ANKRD28: variants seen among roughly 807,000 people sequenced by gnomAD.
The protein encoded by ANKRD28 is serine/threonine-protein phosphatase 6 regulatory ankyrin repeat subunit A.
In ANKRD28, 44 loss-of-function variants were observed where a neutral mutation model predicts 126.5. That is an observed-to-expected ratio of 0.35 (90% CI 0.27 to 0.45). The LOEUF is 0.45. Ranked by LOEUF, ANKRD28 falls within the 20% of genes least tolerant of loss-of-function variation. The probability of loss-of-function intolerance (pLI) is 1.00; values close to 1 mark genes in which losing one functional copy is unlikely to be tolerated. For missense variants in ANKRD28, 1,110 were observed against 1,316.6 expected, an observed-to-expected ratio of 0.84 and a Z score of 2.43; for synonymous variants, 442 against 468.5, an observed-to-expected ratio of 0.94 and a Z score of 0.73.
At chr3:15,746,045 T>A (rs1235561452) in intron 4 of ANKRD28, among the ~76,000 whole-genome samples, 1 of 152,216 alleles carries the variant, frequency 6.6e-6, no homozygotes, top group Non-Finnish European at 1.5e-5. Flanking sequence ...TACTGATTTG[T>A]GTACATTAAT....
rs369778031 is a variant in ANKRD28 at position 15,789,454 on chromosome 3, A to C, written c.201+5769T>G. 2.0e-4 allele frequency among the ~76,000 whole-genome samples: 31 copies of C among 152,170 alleles called. No homozygotes were observed. In the East Asian group the frequency reaches 5.6e-3, roughly 27 times the overall value. On this transcript the variant is annotated intron_variant, in intron 2 of 27. Transcript: ENST00000683139. ...CCTTTTTTTAAAAAAAAAAGAAAAG[A>C]AAAGAAAAGAAAATGTACAGGAGAG...
rs376359406 is a variant in ANKRD28 at position 15,675,940 on chromosome 3, G to C, written c.2923C>G (p.Leu975Val). ...RNGLTMVVQE[L>V]LGKGASVLAV... The stretch of plus-strand genomic sequence containing the variant: ...AGCACACTTGCTCCTTTTCCCAAAA[G>C]TTCCTGAACCACCATTGTTAGCCCA... The change falls in exon 27 of 28, where the codon CTT becomes GTT. Residue 975 changes from leucine (L) to valine (V), a missense_variant. By Grantham distance (32) the Leu-to-Val change is conservative. Coordinates refer to ENST00000683139, the MANE Select transcript of ANKRD28 (RefSeq NM_001349278.2). The C allele has an allele frequency of 6.2e-7, 1 of 1,613,062 alleles. No individual in the cohort carries two copies. Among genetic ancestry groups the C allele is most frequent in the Non-Finnish European group, 8.5e-7 (1 of 1,179,258 alleles).
At chr3:15,724,699 G>A (rs931800890) in intron 6 of ANKRD28, among the ~76,000 whole-genome samples, 175 bp from the exon 7 acceptor site, 2 of 152,102 alleles carry the variant, frequency 1.3e-5, no homozygotes, top group African/African-American at 4.8e-5. Context: ...GACTTTAGGG[G>A]TGGGCATAAT....
chr3:15,819,694 C>T (rs1191791361), intron 1 of ANKRD28, among the ~76,000 whole-genome samples: 1 of 152,066 alleles, frequency 6.6e-6, no homozygotes, highest in African/African-American at 2.4e-5. Flanking sequence ...AGATGCATAC[C>T]AATGTATTAA....
At chr3:15,715,951 A>G (rs1354848018) in intron 8 of ANKRD28, among the ~76,000 whole-genome samples, 7 of 151,776 alleles carry the variant, frequency 4.6e-5, no homozygotes, top group Admixed American at 4.6e-4. Flanking sequence ...GATATATCCT[A>G]ATTTTTAATG....
chr3:15,696,338 C>A, intron 14 of ANKRD28, 93 bp from the exon 15 acceptor site: 1 of 758,956 alleles, frequency 1.3e-6, no homozygotes, highest in African/African-American at 1.8e-5. Flanking sequence ...GACAATTTTT[C>A]TTATACTTGA....
At chr3:15,679,214 C>T (rs2067268552) in intron 23 of ANKRD28, 87 bp downstream of exon 23, 1 of 1,283,066 alleles carries the variant, frequency 7.8e-7, no homozygotes. Flanking sequence ...AAGTCATCCT[C>T]CCACTTCAGC....
intron 1 of ANKRD28, among the ~76,000 whole-genome samples, chr3:15,829,608 G>T (rs551619456): frequency 2.3e-4 from 35 of 152,008 alleles, no homozygotes; most frequent in Non-Finnish European, 4.6e-4. Flanking sequence ...TGGTTCACTG[G>T]TTTACGAAGG....
chr3:15,713,506 A>G, intron 10 of ANKRD28, 21 bp downstream of exon 10: 1 of 1,593,314 alleles, frequency 6.3e-7, no homozygotes, highest in Admixed American at 1.7e-5. Context: ...ATCAGTTATC[A>G]ACACCTCGGT....
chr3:15,734,088 A>G (rs929579932), intron 6 of ANKRD28, among the ~76,000 whole-genome samples: 2 of 152,248 alleles, frequency 1.3e-5, no homozygotes, highest in Non-Finnish European at 2.9e-5. Context: ...GTTCAAAAAT[A>G]TAGTATTCAG....
chr3:15,772,308 C>G (rs1459895631), intron 2 of ANKRD28, among the ~76,000 whole-genome samples: 4 of 151,972 alleles, frequency 2.6e-5, no homozygotes, highest in African/African-American at 9.6e-5. Context: ...TCAGAATGAT[C>G]AAAGGAAAAA....
At position 15,685,226 on chromosome 3, in the gene ANKRD28, C is replaced by T. The variant is rs767021775; in HGVS notation, c.2389G>A (p.Gly797Ser). Residue 797 changes from glycine to serine, a missense_variant and splice_region_variant, in exon 21 of 28, where the codon GGT becomes AGT. Coordinates refer to ENST00000683139, the MANE Select transcript of ANKRD28 (RefSeq NM_001349278.2). ...YTALHWACYN[G>S]HETCVELLLE... ...ATGCATTTGTGTTTGTATACTTAAC[C>T]ATTGTAGCAAGCCCAGTGAAGTGCC... is the stretch of plus-strand genomic sequence containing the variant. 3 of 1,613,536 alleles carry T rather than the reference C, an allele frequency of 1.9e-6. No homozygotes were observed. The East Asian group carries it at 6.7e-5, about 36-fold the overall frequency.
At chr3:15,682,276 C>A (rs1575121957) in intron 21 of ANKRD28, among the ~76,000 whole-genome samples, 1 of 152,176 alleles carries the variant, frequency 6.6e-6, no homozygotes, top group African/African-American at 2.4e-5. Context: ...TTCTCAATTA[C>A]AATTTCTAAT....
Position 15,859,438 on chromosome 3 carries a change from TCCTCCG to T in ANKRD28, c.-41_-36del, listed in dbSNP as rs2061856716. 1.3e-6 allele frequency: 2 copies of T among 1,490,532 alleles called. 1 individual carries two copies. The highest frequency in any genetic ancestry group is 2.5e-5 in the South Asian group (2 of 81,046). The allele number at this position is 1,490,532 out of a possible 1,614,324, so 92.3% of individuals were successfully genotyped here. A position where few individuals can be genotyped will look rare whatever the true frequency, so the allele number is the denominator to read the frequency against. ...CTCCGCGCCCACTCCAGCCTCCTCC[TCCTCCG>T]CCGCTGCCGCTGCCGCCGCCGACCG... On this transcript the variant is annotated 5_prime_UTR_variant, in exon 1 of 28. Coordinates refer to the ANKRD28 transcript ENST00000399451.
chr3:15,803,727 G>T lies in ANKRD28; in HGVS notation c.28-8421C>A, dbSNP rs2060516892. The stretch of plus-strand genomic sequence containing the variant: ...ATAATCAGAAACCTCCCAGGTTTTT[G>T]ACTTAAGCAACCAGTGCTTATTGGA... On this transcript the variant is annotated intron_variant, in intron 1 of 27. Transcript: ENST00000399451. Among the ~76,000 whole-genome samples the T allele has an allele frequency of 1.7e-5, 2 of 115,676 alleles. 1 individual carries two copies. Among genetic ancestry groups the T allele is most frequent in the Non-Finnish European group, 3.5e-5 (2 of 57,374 alleles). 75.9% of individuals were successfully genotyped at this position (115,676 alleles called of 152,430 possible). A position where few individuals can be genotyped will look rare whatever the true frequency, so the allele number is the denominator to read the frequency against.
intron 10 of ANKRD28, among the ~76,000 whole-genome samples, chr3:15,712,517 G>A (rs1304649169): frequency 6.6e-6 from 1 of 152,124 alleles, no homozygotes; most frequent in Admixed American, 6.6e-5. Flanking sequence ...GCATCCCTGG[G>A]CTCTACCCAA....
intron 14 of ANKRD28, among the ~76,000 whole-genome samples, chr3:15,706,046 A>T (rs2071326443): frequency 1.0e-5 from 1 of 95,434 alleles, no homozygotes; most frequent in African/African-American, 3.8e-5. Context: ...ACAAAAACAA[A>T]CAAAAAACCC....
At position 15,817,679 on chromosome 3, in the gene ANKRD28, T is replaced by C. The variant is rs1325830007; in HGVS notation, c.28-22373A>G. 2.0e-5 allele frequency among the ~76,000 whole-genome samples: 3 copies of C among 152,140 alleles called. No individual in the cohort carries two copies. The highest frequency in any genetic ancestry group is 4.4e-5 in the Non-Finnish European group (3 of 68,034). On this transcript the variant is annotated intron_variant, in intron 1 of 27. Coordinates refer to the ANKRD28 transcript ENST00000399451. This position sits in a 1 kb window ranked among gnomAD's most constrained non-coding sequence, Gnocchi z 4.5. ...TGAGATTTATATATTTAAATAAATA[T>C]AAAATTACCAGGAAACCACTAATTT...
intron 17 of ANKRD28, among the ~76,000 whole-genome samples, chr3:15,692,266 C>G (rs1575176353): frequency 6.6e-6 from 1 of 151,080 alleles, no homozygotes; most frequent in East Asian, 1.9e-4. Context: ...GCCTGGGCAA[C>G]AGTGAGACCT....
Sources: allele counts gnomAD v4.1 joint callset (sites outside exome capture counted in the v4.1 genomes callset), GRCh38; gene constraint gnomAD v4.1.1; non-coding constraint Gnocchi (gnomAD v3.1); transcripts MANE v1.5; gene names NCBI Gene and HGNC (gene_info 2026-07-23, HGNC 2026-07-21).